Variants in DPP6 observed in about 807,000 individuals in gnomAD.
The protein encoded by DPP6 is A-type potassium channel modulatory protein DPP6.
In DPP6, 69 loss-of-function variants were observed where a neutral mutation model predicts 122.6. The observed-to-expected ratio is 0.56, with a 90% CI of 0.46 to 0.69. DPP6 has a LOEUF of 0.69. Among genes scored for constraint, DPP6 ranks in the 30% least tolerant of loss-of-function variants. The probability of loss-of-function intolerance (pLI) is 0.00; values close to 1 mark genes in which losing one functional copy is unlikely to be tolerated. For missense variants in DPP6, 928 were observed against 1,116.9 expected, an observed-to-expected ratio of 0.83 and a Z score of 2.41; for synonymous variants, 418 against 433.1, an observed-to-expected ratio of 0.97 and a Z score of 0.43.
intron 3 of DPP6, among the ~76,000 whole-genome samples, chr7:154,532,557 A>G (rs780870329): frequency 6.6e-6 from 1 of 152,042 alleles, no homozygotes; most frequent in African/African-American, 2.4e-5. Flanking sequence ...TTGTTCTTTG[A>G]AAGGTCAATA....
Position 154,892,374 on chromosome 7 carries a change from T to A in DPP6, c.2492T>A (p.Leu831His). The part of the protein sequence containing the change: ...DESHYFTSSS[L>H]KQHLYRSIIN... ...AGCCATTACTTTACCAGCTCCAGCCTCAAACAGCATCTGTACCGGTCCATC... is the reference window on the plus strand; with the variant it reads ...AGCCATTACTTTACCAGCTCCAGCCACAAACAGCATCTGTACCGGTCCATC... The change falls in exon 26 of 26, where the codon CTC (leucine) becomes CAC (histidine). Residue 831 changes from leucine to histidine, a missense_variant. Transcript: ENST00000377770. 6.2e-7 allele frequency: 1 copy of A among 1,613,996 alleles called. No individual in the cohort carries two copies. The highest frequency in any genetic ancestry group is 8.5e-7 in the Non-Finnish European group (1 of 1,179,890).
chr7:154,125,554 G>A (rs888556012), intron 1 of DPP6, among the ~76,000 whole-genome samples: 1 of 152,156 alleles, frequency 6.6e-6, no homozygotes, highest in African/African-American at 2.4e-5. Flanking sequence ...ATGTGCCATG[G>A]CCTCTTACAA....
At position 154,608,073 on chromosome 7, in the gene DPP6, A is replaced by G. The variant is rs181733835; in HGVS notation, c.628-29748A>G. Among the ~76,000 whole-genome samples, 511 of 57,134 alleles carry G rather than the reference A, an allele frequency of 8.9e-3. 7 individuals carry two copies. Among genetic ancestry groups the G allele is most frequent in the East Asian group, 0.032 (23 of 728 alleles). 37.5% of individuals were successfully genotyped at this position (57,134 alleles called of 152,430 possible). Reference sequence around the variant, plus strand: ...CAGCTCACTGCAAGCTCCGCCTCCCAGGTTCAAGCAATTCTCCTGCCTCAG... The same window carrying G: ...CAGCTCACTGCAAGCTCCGCCTCCCGGGTTCAAGCAATTCTCCTGCCTCAG... On this transcript the variant is annotated intron_variant, in intron 5 of 25. Coordinates refer to ENST00000377770, the MANE Select transcript of DPP6 (RefSeq NM_130797.4).
chr7:154,170,653 A>G (rs1797490671), intron 1 of DPP6, among the ~76,000 whole-genome samples: 1 of 152,200 alleles, frequency 6.6e-6, no homozygotes, highest in African/African-American at 2.4e-5. Flanking sequence ...GGCCTTTCTG[A>G]AACCTCACCA....
At chr7:153,770,136 G>A in the DPP6 span, among the ~76,000 whole-genome samples, 37 of 152,256 alleles carry the variant, frequency 2.4e-4, no homozygotes, top group African/African-American at 8.7e-4. Context: ...CTACTGCCCC[G>A]TGTCCATGAA....
At chr7:154,495,077 G>A (rs1824612632) in intron 3 of DPP6, among the ~76,000 whole-genome samples, 1 of 152,226 alleles carries the variant, frequency 6.6e-6, no homozygotes, top group African/African-American at 2.4e-5. Flanking sequence ...GGTATGAGGA[G>A]GGAGCAGGGA....
chr7:154,804,974 G>A lies in DPP6; in HGVS notation c.1547+10G>A. On this transcript the variant is annotated intron_variant, in intron 15 of 25. Coordinates refer to ENST00000377770, the MANE Select transcript of DPP6 (RefSeq NM_130797.4). ...GACGACAACTCTACAGGTAACTCCT[G>A]CTCCCCCTGCACACAGGGCTCTCCC... 6.3e-7 allele frequency: 1 copy of A among 1,592,762 alleles called. No homozygotes were observed. Among genetic ancestry groups the A allele is most frequent in the Non-Finnish European group, 8.6e-7 (1 of 1,168,954 alleles).
At chr7:154,373,193 G>A (rs1812823339) in intron 1 of DPP6, among the ~76,000 whole-genome samples, 1 of 152,204 alleles carries the variant, frequency 6.6e-6, no homozygotes, top group Non-Finnish European at 1.5e-5. Flanking sequence ...CTTAAAGGGA[G>A]TAAACTTAGA....
At chr7:154,439,792 G>A (rs1023495164) in intron 1 of DPP6, among the ~76,000 whole-genome samples, 1 of 152,238 alleles carries the variant, frequency 6.6e-6, no homozygotes, top group African/African-American at 2.4e-5. Flanking sequence ...TGGTGGGTAG[G>A]ATTTCAAACT....
chr7:153,820,942 A>G, the DPP6 span, among the ~76,000 whole-genome samples: 156 of 140,908 alleles, frequency 1.1e-3, 1 homozygote, highest in African/African-American at 3.6e-3. Flanking sequence ...TCCTGGGCAT[A>G]CAGAGCTGTC....
the DPP6 span, among the ~76,000 whole-genome samples, chr7:153,867,547 T>G: frequency 6.6e-6 from 1 of 152,266 alleles, no homozygotes; most frequent in Admixed American, 6.5e-5. Context: ...AAGGAGATTT[T>G]GGGCTGAGAC....
At chr7:154,255,768 C>T (rs1439884572) in intron 1 of DPP6, among the ~76,000 whole-genome samples, 1 of 152,194 alleles carries the variant, frequency 6.6e-6, no homozygotes, top group Non-Finnish European at 1.5e-5. Flanking sequence ...TTTCACAATG[C>T]TTTGACACTT....
intron 1 of DPP6, among the ~76,000 whole-genome samples, chr7:154,145,171 G>C (rs1271408038): frequency 1.3e-5 from 2 of 152,202 alleles, no homozygotes; most frequent in Admixed American, 1.3e-4. Context: ...GAGATAATCT[G>C]GGTGGGCCTA....
At chr7:154,712,762 G>T (rs1056560809) in intron 7 of DPP6, among the ~76,000 whole-genome samples, 1 of 152,164 alleles carries the variant, frequency 6.6e-6, no homozygotes, top group African/African-American at 2.4e-5. Context: ...AGACACATGG[G>T]AGTTATAGGA....
At chr7:154,060,671 G>T in intron 1 of DPP6, among the ~76,000 whole-genome samples, 1 of 145,010 alleles carries the variant, frequency 6.9e-6, no homozygotes, top group African/African-American at 2.5e-5. Context: ...TGGCGACTGA[G>T]AGCTATCCCC....
the DPP6 span, among the ~76,000 whole-genome samples, chr7:153,769,730 C>T: frequency 6.6e-6 from 1 of 152,142 alleles, no homozygotes; most frequent in South Asian, 2.1e-4. Context: ...AGTGTGAGCT[C>T]CTCACTTTTT....
intron 1 of DPP6, among the ~76,000 whole-genome samples, chr7:154,214,756 A>G (rs1252778883): frequency 6.6e-6 from 1 of 152,090 alleles, no homozygotes; most frequent in Admixed American, 6.5e-5. Flanking sequence ...TCTTTACCAA[A>G]AGTAGAAAGA....
chr7:154,517,857 T>A (rs1376260584), intron 3 of DPP6, among the ~76,000 whole-genome samples: 3 of 152,090 alleles, frequency 2.0e-5, no homozygotes, highest in Non-Finnish European at 2.9e-5. Context: ...TAAACAGATA[T>A]CGCACTGCAA....
intron 1 of DPP6, among the ~76,000 whole-genome samples, chr7:154,331,266 A>G (rs537809957): frequency 3.5e-4 from 54 of 152,348 alleles, no homozygotes; most frequent in African/African-American, 1.2e-3. Flanking sequence ...CAGTGTTCTC[A>G]GTACGCAGGG....
Sources: allele counts gnomAD v4.1 joint callset (sites outside exome capture counted in the v4.1 genomes callset), GRCh38; gene constraint gnomAD v4.1.1; transcripts MANE v1.5; gene names NCBI Gene and HGNC (gene_info 2026-07-23, HGNC 2026-07-21).